CACNA2D1: variants seen among roughly 807,000 people sequenced by gnomAD.
The protein encoded by CACNA2D1 is voltage-dependent calcium channel subunit alpha-2/delta-1.
A neutral mutation model predicts 171.5 loss-of-function variants in CACNA2D1; 53 were observed. The observed-to-expected ratio is 0.31, with a 90% confidence interval of 0.25 to 0.39. The LOEUF (loss-of-function observed/expected upper bound fraction) is 0.39, where lower values mean the gene tolerates loss of function less well. Among genes scored for constraint, CACNA2D1 ranks in the 10% least tolerant of loss-of-function variants. The probability of loss-of-function intolerance (pLI) is 1.00; values close to 1 mark genes in which losing one functional copy is unlikely to be tolerated. For missense variants in CACNA2D1, 903 were observed against 1,299.8 expected (o/e 0.69, Z 4.69); for synonymous variants, 442 against 443.1 (o/e 1.00, Z 0.03).
chr7:82,052,658 G>C (rs1327822725), intron 10 of CACNA2D1, among the ~76,000 whole-genome samples: 2 of 152,002 alleles, frequency 1.3e-5, no homozygotes, highest in Non-Finnish European at 2.9e-5. Flanking sequence ...ATATAATGTG[G>C]TTGACACTAA....
intron 3 of CACNA2D1, among the ~76,000 whole-genome samples, chr7:82,317,543 G>C (rs983447921): frequency 6.6e-6 from 1 of 152,074 alleles, no homozygotes; most frequent in Non-Finnish European, 1.5e-5. Context: ...GAATCTTTGC[G>C]GTGACTAAAA....
intron 3 of CACNA2D1, among the ~76,000 whole-genome samples, chr7:82,208,355 G>A (rs915770385): frequency 6.6e-6 from 1 of 152,002 alleles, no homozygotes; most frequent in Non-Finnish European, 1.5e-5. Context: ...TTGTCAGAAA[G>A]CTATAGAATT....
intron 3 of CACNA2D1, among the ~76,000 whole-genome samples, chr7:82,175,464 A>T (rs542673071): frequency 6.6e-6 from 1 of 152,216 alleles, no homozygotes; most frequent in African/African-American, 2.4e-5. Flanking sequence ...ACCTATGTTG[A>T]CAATTCAATT....
At chr7:82,265,428 T>G (rs2129339795) in intron 3 of CACNA2D1, among the ~76,000 whole-genome samples, 1 of 149,378 alleles carries the variant, frequency 6.7e-6, no homozygotes, top group African/African-American at 2.4e-5. Flanking sequence ...TTTTTTTTTT[T>G]TTTTTTTTTG....
intron 2 of CACNA2D1, chr7:82,343,351 C>T (rs2129445191): frequency 6.6e-6 from 1 of 152,282 alleles, no homozygotes; most frequent in African/African-American, 2.4e-5. Context: ...GATGGTGATG[C>T]TTCCGAGCAA....
chr7:82,229,162 T>C (rs1028492179), intron 3 of CACNA2D1, among the ~76,000 whole-genome samples: 2 of 152,174 alleles, frequency 1.3e-5, no homozygotes, highest in Non-Finnish European at 2.9e-5. Flanking sequence ...ATTAGTCTAG[T>C]AGATATGGGT....
At chr7:81,965,511 TAA>T in intron 32 of CACNA2D1, 81 bp downstream of exon 32, 1 of 804,710 alleles carries the variant, frequency 1.2e-6, no homozygotes, top group East Asian at 2.4e-5. Flanking sequence ...CATCGATTTC[TAA>T]AACACTGAAA....
intron 3 of CACNA2D1, among the ~76,000 whole-genome samples, chr7:82,239,958 A>G (rs1804057081): frequency 6.6e-6 from 1 of 152,188 alleles, no homozygotes; most frequent in Admixed American, 6.5e-5. Context: ...TCTATGGTAA[A>G]AAGATTAGGA....
chr7:82,138,670 T>A (rs1263318002), intron 4 of CACNA2D1, among the ~76,000 whole-genome samples: 1 of 152,016 alleles, frequency 6.6e-6, no homozygotes, highest in Non-Finnish European at 1.5e-5. Flanking sequence ...ATGGTCTTGA[T>A]CTCCTGACCT....
chr7:82,148,764 A>T (rs551819122), intron 4 of CACNA2D1, among the ~76,000 whole-genome samples: 11 of 152,160 alleles, frequency 7.2e-5, no homozygotes, highest in Non-Finnish European at 1.3e-4. Context: ...CAGCCTCCCG[A>T]GTAGCTGGGA....
Position 82,282,704 on chromosome 7 carries a change from T to TG in CACNA2D1, c.294+52430dup, listed in dbSNP as rs3834350. On this transcript the variant is annotated intron_variant, in intron 3 of 38. Transcript: ENST00000356860. ...GTTGTGTAAATAAAATTGTAAAATG[T>TG]GGGGGGGGGAATCACAGAGGGTTAT... 2.6e-3 allele frequency among the ~76,000 whole-genome samples: 367 copies of TG among 143,388 alleles called. 5 individuals are homozygous for TG. The East Asian group carries it at 0.031, about 12-fold the overall frequency. The allele number at this position is 143,388 out of a possible 152,430, so 94.1% of individuals were successfully genotyped here.
intron 3 of CACNA2D1, among the ~76,000 whole-genome samples, chr7:82,244,385 G>T (rs1449084768): frequency 6.6e-6 from 1 of 152,056 alleles, no homozygotes; most frequent in Non-Finnish European, 1.5e-5. Flanking sequence ...GAAGAAGCAA[G>T]AAATCTAAAA....
chr7:82,181,656 T>C (rs1338974972), intron 3 of CACNA2D1, among the ~76,000 whole-genome samples: 1 of 152,208 alleles, frequency 6.6e-6, no homozygotes, highest in Non-Finnish European at 1.5e-5. Flanking sequence ...CAAGCTCTCA[T>C]ATCTGAGGGA....
chr7:82,223,418 A>C (rs1334920970), intron 3 of CACNA2D1, among the ~76,000 whole-genome samples: 1 of 152,200 alleles, frequency 6.6e-6, no homozygotes, highest in Non-Finnish European at 1.5e-5. Flanking sequence ...ATATTATTTT[A>C]AAAGTCATAA....
chr7:82,171,317 T>C (rs900798569), intron 3 of CACNA2D1, among the ~76,000 whole-genome samples: 4 of 152,042 alleles, frequency 2.6e-5, no homozygotes, highest in Non-Finnish European at 4.4e-5. Context: ...TTATAAACTT[T>C]TTTTTCCCCT....
At chr7:82,311,240 A>G (rs1401576134) in intron 3 of CACNA2D1, among the ~76,000 whole-genome samples, 3 of 152,028 alleles carry the variant, frequency 2.0e-5, no homozygotes, top group Admixed American at 6.6e-5. Flanking sequence ...CTTTTTGCAA[A>G]TCCTAAAATG....
rs549678077 is a variant in CACNA2D1, at chr7:82,227,542, T to C, written c.295-56933A>G. 1.9e-4 allele frequency among the ~76,000 whole-genome samples: 29 copies of C among 152,302 alleles called. No individual in the cohort carries two copies. The South Asian group carries it at 5.8e-3, about 30-fold the overall frequency. On this transcript the variant is annotated intron_variant, in intron 3 of 38. Transcript: ENST00000356860. ...GTAATAGTGACTAGTTTGGATTCTCTGGATAAACATGTCCCTAGAATGTAG... is the reference window on the plus strand; with the variant it reads ...GTAATAGTGACTAGTTTGGATTCTCCGGATAAACATGTCCCTAGAATGTAG...
At chr7:82,206,585 G>A (rs1800024134) in intron 3 of CACNA2D1, among the ~76,000 whole-genome samples, 1 of 152,042 alleles carries the variant, frequency 6.6e-6, no homozygotes, top group Non-Finnish European at 1.5e-5. Flanking sequence ...AAATTTAATT[G>A]CAAGAACAGT....
intron 7 of CACNA2D1, among the ~76,000 whole-genome samples, chr7:82,078,105 C>G (rs990173084): frequency 6.6e-6 from 1 of 152,048 alleles, no homozygotes; most frequent in Non-Finnish European, 1.5e-5. Context: ...AAGAAGATGT[C>G]TCTCAGAGGT....
Sources: gnomAD v4.1 joint callset for allele counts (sites outside exome capture counted in the v4.1 genomes callset) on GRCh38, gnomAD v4.1.1 for gene constraint, MANE v1.5 for transcripts, NCBI Gene and HGNC (gene_info 2026-07-23, HGNC 2026-07-21) for gene names.